TMEM232: variants seen among roughly 807,000 people sequenced by gnomAD.
TMEM232 encodes the protein transmembrane protein 232.
A neutral mutation model predicts 78.8 loss-of-function variants in TMEM232; 80 were observed. The observed-to-expected ratio is 1.01, with a 90% CI of 0.85 to 1.22. The LOEUF (loss-of-function observed/expected upper bound fraction) is 1.22, where lower values mean the gene tolerates loss of function less well. TMEM232 is among the 50% of genes most tolerant of loss of function. The probability of loss-of-function intolerance (pLI) is 0.00; values close to 1 mark genes in which losing one functional copy is unlikely to be tolerated. For synonymous variants in TMEM232, 297 were observed against 254.3 expected (o/e 1.17, Z -1.60); for missense variants, 881 against 742.2 (o/e 1.19, Z -2.17).
At chr5:110,648,409 T>C (rs930571183) in intron 2 of TMEM232, among the ~76,000 whole-genome samples, 18 of 151,978 alleles carry the variant, frequency 1.2e-4, no homozygotes, top group African/African-American at 4.3e-4. Context: ...TTTATATATA[T>C]CCAATAGAAA....
At chr5:110,445,883 A>C (rs1561504597) in intron 12 of TMEM232, among the ~76,000 whole-genome samples, 1 of 152,276 alleles carries the variant, frequency 6.6e-6, no homozygotes, top group East Asian at 1.9e-4. Flanking sequence ...TAAAGTCCCT[A>C]AGAGAGAAAT....
chr5:110,680,295 G>A (rs994929619), intron 1 of TMEM232, among the ~76,000 whole-genome samples: 6 of 151,516 alleles, frequency 4.0e-5, no homozygotes, highest in Non-Finnish European at 8.8e-5. Flanking sequence ...TACTCGGGAG[G>A]CTGAGGCATG....
intron 5 of TMEM232, among the ~76,000 whole-genome samples, chr5:110,632,400 C>A (rs960102728): frequency 6.6e-6 from 1 of 151,454 alleles, no homozygotes. Context: ...GCAATATATT[C>A]CAATCAAAAA....
chr5:110,432,582 A>G (rs1262249400), intron 12 of TMEM232, among the ~76,000 whole-genome samples: 1 of 151,744 alleles, frequency 6.6e-6, no homozygotes, highest in African/African-American at 2.4e-5. Context: ...CGAGACTACC[A>G]CACAACTAGC....
chr5:110,694,061 C>T (rs549829813), intron 1 of TMEM232, among the ~76,000 whole-genome samples: 4 of 152,024 alleles, frequency 2.6e-5, no homozygotes, highest in African/African-American at 4.8e-5. Context: ...AGAGAAAGGT[C>T]GGGATACCCA....
At chr5:110,483,708 C>A (rs1764158615) in intron 12 of TMEM232, among the ~76,000 whole-genome samples, 2 of 151,824 alleles carry the variant, frequency 1.3e-5, no homozygotes. Context: ...ATGTAACTAA[C>A]CTGCACGTTG....
chr5:110,690,775 C>T (rs780498370), intron 1 of TMEM232, among the ~76,000 whole-genome samples: 2 of 152,114 alleles, frequency 1.3e-5, no homozygotes, highest in Non-Finnish European at 2.9e-5. Context: ...ACATATACAC[C>T]ATGGAATACT....
chr5:110,698,852 C>G (rs1462220055), intron 1 of TMEM232, among the ~76,000 whole-genome samples: 2 of 152,078 alleles, frequency 1.3e-5, no homozygotes, highest in Admixed American at 1.3e-4. Context: ...TTTCTCTTTT[C>G]AAACCTCTTT....
In TMEM232 at chr5:110,673,454, T is replaced by TA. The variant is rs764050754; in HGVS notation, c.-12-6091dup. ...TGTACCCTAAAACTTAAAGTATAAC[T>TA]AAAAAAAAAAGGTAGAGTTAAATAG... is the stretch of plus-strand genomic sequence containing the variant. On this transcript the variant is annotated intron_variant, in intron 1 of 13. Coordinates refer to ENST00000455884, the MANE Select transcript of TMEM232 (RefSeq NM_001039763.4). 6.8e-3 allele frequency among the ~76,000 whole-genome samples: 1,007 copies of TA among 147,318 alleles called. 17 individuals are homozygous for TA. Among genetic ancestry groups the TA allele is most frequent in the East Asian group, 0.066 (335 of 5,054 alleles).
exon 5 of TMEM232, chr5:110,387,851 G>T (rs1755044240): frequency 1.3e-5 from 2 of 151,990 alleles, no homozygotes; most frequent in African/African-American, 2.4e-5. Flanking sequence ...TGGCTCTATA[G>T]GTCAAACTCC....
chr5:110,414,281 T>G (rs533305769), intron 2 of TMEM232, among the ~76,000 whole-genome samples: 1 of 152,224 alleles, frequency 6.6e-6, no homozygotes, highest in African/African-American at 2.4e-5. Flanking sequence ...TTTTAATATG[T>G]ACAGTATTAT....
intron 13 of TMEM232, among the ~76,000 whole-genome samples, chr5:110,422,894 G>A (rs1324736939): frequency 6.6e-6 from 1 of 152,008 alleles, no homozygotes; most frequent in Non-Finnish European, 1.5e-5. Context: ...CTAGAAGGAA[G>A]CAAAAAAATA....
chr5:110,687,891 A>G (rs2150210349), intron 1 of TMEM232, among the ~76,000 whole-genome samples: 1 of 152,262 alleles, frequency 6.6e-6, no homozygotes, highest in Admixed American at 6.5e-5. Context: ...TTTGCAGAGT[A>G]GTGTGAAGGG....
intron 11 of TMEM232, among the ~76,000 whole-genome samples, chr5:110,557,511 G>A (rs1463924783): frequency 1.3e-5 from 2 of 152,142 alleles, no homozygotes; most frequent in Non-Finnish European, 2.9e-5. Flanking sequence ...AAGGAAAAGA[G>A]GTTCAATGGG....
intron 3 of TMEM232, among the ~76,000 whole-genome samples, chr5:110,394,896 C>G (rs1755328410): frequency 6.6e-6 from 1 of 152,094 alleles, no homozygotes; most frequent in Non-Finnish European, 1.5e-5. Flanking sequence ...CTCTTGCTCC[C>G]CTTCAAGCAG....
At chr5:110,646,922 G>A (rs1206942824) in intron 2 of TMEM232, among the ~76,000 whole-genome samples, 1 of 151,592 alleles carries the variant, frequency 6.6e-6, no homozygotes, top group Non-Finnish European at 1.5e-5. Flanking sequence ...TGGCCAACAG[G>A]CATGTGAAAA....
At chr5:110,680,933 T>A (rs1434772742) in intron 1 of TMEM232, among the ~76,000 whole-genome samples, 1 of 151,140 alleles carries the variant, frequency 6.6e-6, no homozygotes, top group Non-Finnish European at 1.5e-5. Flanking sequence ...TAGAGAAGAA[T>A]CTGCAAAGAG....
intron 7 of TMEM232, among the ~76,000 whole-genome samples, chr5:110,622,809 A>C (rs1251148395): frequency 7.1e-6 from 1 of 141,684 alleles, no homozygotes; most frequent in African/African-American, 2.6e-5. Context: ...ACATGGACAC[A>C]GGAAGGGGAA....
chr5:110,501,207 C>T (rs1156824601), intron 12 of TMEM232, among the ~76,000 whole-genome samples: 1 of 152,090 alleles, frequency 6.6e-6, no homozygotes, highest in Non-Finnish European at 1.5e-5. Context: ...TAACTGCCTT[C>T]CCTGGTACTA....
Sources: allele counts gnomAD v4.1 joint callset (sites outside exome capture counted in the v4.1 genomes callset), GRCh38; gene constraint gnomAD v4.1.1; transcripts MANE v1.5; gene names NCBI Gene and HGNC (gene_info 2026-07-23, HGNC 2026-07-21).